ZNF407: variants seen among roughly 807,000 people sequenced by gnomAD.
The protein encoded by ZNF407 is zinc finger protein 407.
In ZNF407, 17 loss-of-function variants were observed where a neutral mutation model predicts 131.2. That is an observed-to-expected ratio of 0.13 (90% CI 0.09 to 0.19). The LOEUF (loss-of-function observed/expected upper bound fraction) is 0.19. ZNF407 is among the 10% of genes least tolerant of loss of function. ZNF407 has a pLI of 1.00. For missense variants in ZNF407, 2,681 were observed against 2,830.6 expected, an observed-to-expected ratio of 0.95 and a Z score of 1.20; for synonymous variants, 1,156 against 1,062.0, an observed-to-expected ratio of 1.09 and a Z score of -1.72.
intron 8 of ZNF407, among the ~76,000 whole-genome samples, chr18:75,020,056 A>G (rs1973089221): frequency 6.6e-6 from 1 of 152,142 alleles, no homozygotes; most frequent in Admixed American, 6.5e-5. Context: ...ATTGACTGGT[A>G]ACAGTGTCAC....
At chr18:74,867,416 G>C (rs1971028459) in intron 4 of ZNF407, among the ~76,000 whole-genome samples, 1 of 152,158 alleles carries the variant, frequency 6.6e-6, no homozygotes, top group Admixed American at 6.5e-5. Context: ...CTGATGATGT[G>C]GACTATAATG....
chr18:74,752,029 A>G (rs1474864070), intron 3 of ZNF407, among the ~76,000 whole-genome samples: 1 of 152,166 alleles, frequency 6.6e-6, no homozygotes, highest in African/African-American at 2.4e-5. Context: ...CCTCTCCAGC[A>G]CCTGTTGTTG....
At chr18:74,675,950 T>G (rs1986338770) in intron 3 of ZNF407, among the ~76,000 whole-genome samples, 1 of 152,158 alleles carries the variant, frequency 6.6e-6, no homozygotes, top group Non-Finnish European at 1.5e-5. Flanking sequence ...TAAAAAAAGT[T>G]GTTTTACACA....
intron 3 of ZNF407, among the ~76,000 whole-genome samples, chr18:74,736,115 A>G (rs1414137742): frequency 6.6e-6 from 1 of 152,204 alleles, no homozygotes; most frequent in African/African-American, 2.4e-5. Context: ...ATGAATAGCT[A>G]CCATATTACT....
intron 1 of ZNF407, among the ~76,000 whole-genome samples, chr18:74,621,718 A>T (rs1197405809): frequency 6.6e-6 from 1 of 152,174 alleles, no homozygotes; most frequent in Non-Finnish European, 1.5e-5. Flanking sequence ...TGTCCCTTAC[A>T]AACAGCTCCG....
intron 8 of ZNF407, among the ~76,000 whole-genome samples, chr18:74,999,374 A>AAAAAAAAAACC (rs1568296646): frequency 8.4e-5 from 12 of 143,486 alleles, no homozygotes; most frequent in African/African-American, 2.6e-4. Flanking sequence ...AAAAAAAAAA[A>AAAAAAAAAACC]ACAAAGGTAA....
chr18:74,916,481 A>AGT (rs752881660), intron 7 of ZNF407, among the ~76,000 whole-genome samples: 23 of 78,762 alleles, frequency 2.9e-4, no homozygotes, highest in African/African-American at 7.1e-4. Flanking sequence ...TCGAATTGGG[A>AGT]GTGTGTGTGT....
At chr18:74,729,148 T>C (rs1968231815) in intron 3 of ZNF407, among the ~76,000 whole-genome samples, 1 of 152,232 alleles carries the variant, frequency 6.6e-6, no homozygotes, top group Non-Finnish European at 1.5e-5. Context: ...GTGCGTACTT[T>C]AGACATAATT....
intron 4 of ZNF407, among the ~76,000 whole-genome samples, chr18:74,862,696 T>C (rs1211251542): frequency 6.6e-6 from 1 of 152,192 alleles, no homozygotes; most frequent in Non-Finnish European, 1.5e-5. Flanking sequence ...ATAAATTTAT[T>C]TTAGAATCAT....
intron 8 of ZNF407, among the ~76,000 whole-genome samples, chr18:75,004,551 G>T (rs995638309): frequency 6.6e-6 from 1 of 152,108 alleles, no homozygotes; most frequent in African/African-American, 2.4e-5. Flanking sequence ...GGGTCACTCA[G>T]CCTATCAAGC....
chr18:74,858,929 A>T (rs988524645), intron 4 of ZNF407, among the ~76,000 whole-genome samples: 12 of 150,918 alleles, frequency 8.0e-5, no homozygotes, highest in Non-Finnish European at 7.4e-5. Flanking sequence ...TGTCTTTTTT[A>T]AAAAATTTCC....
intron 6 of ZNF407, among the ~76,000 whole-genome samples, chr18:74,886,529 C>T (rs1443097174): frequency 6.6e-6 from 1 of 152,124 alleles, no homozygotes; most frequent in Non-Finnish European, 1.5e-5. Context: ...GATAATCAAA[C>T]TTGGTACACC....
intron 6 of ZNF407, among the ~76,000 whole-genome samples, chr18:74,881,491 A>G (rs990110810): frequency 6.6e-6 from 1 of 151,858 alleles, no homozygotes; most frequent in Non-Finnish European, 1.5e-5. Context: ...CCTCTCAGTC[A>G]TTCTCTCTAC....
chr18:74,723,601 T>C (rs1199302644), intron 3 of ZNF407, among the ~76,000 whole-genome samples: 2 of 152,204 alleles, frequency 1.3e-5, no homozygotes, highest in East Asian at 3.9e-4. Context: ...ATTCCCAGAA[T>C]CAGGGCTCCT....
chr18:74,923,708 G>A (rs1971875941), intron 8 of ZNF407, among the ~76,000 whole-genome samples: 1 of 152,000 alleles, frequency 6.6e-6, no homozygotes, highest in Admixed American at 6.6e-5. Flanking sequence ...CAGAACTTAG[G>A]GTTGTTTTAG....
intron 8 of ZNF407, among the ~76,000 whole-genome samples, chr18:74,943,500 C>T (rs1972123057): frequency 6.6e-6 from 1 of 152,142 alleles, no homozygotes; most frequent in African/African-American, 2.4e-5. Context: ...CGTAGAAATG[C>T]ATATACTGAA....
chr18:74,914,999 A>G (rs75935300), intron 7 of ZNF407, among the ~76,000 whole-genome samples: 1,633 of 152,312 alleles, frequency 0.011, 32 homozygotes, highest in African/African-American at 0.037. Flanking sequence ...TAAAGTATAC[A>G]TGTAACCCTT....
At chr18:74,747,635 T>A (rs768373282) in intron 3 of ZNF407, among the ~76,000 whole-genome samples, 1 of 152,156 alleles carries the variant, frequency 6.6e-6, no homozygotes, top group Non-Finnish European at 1.5e-5. Context: ...CTTTGAATAT[T>A]ACCATCATTG....
At chr18:74,825,158 G>A (rs1291045324) in intron 4 of ZNF407, among the ~76,000 whole-genome samples, 1 of 152,108 alleles carries the variant, frequency 6.6e-6, no homozygotes, top group African/African-American at 2.4e-5. Flanking sequence ...ACACAATGCA[G>A]CACCCTTTCA....
Sources: gnomAD v4.1 joint callset for allele counts (sites outside exome capture counted in the v4.1 genomes callset) on GRCh38, gnomAD v4.1.1 for gene constraint, MANE v1.5 for transcripts, NCBI Gene and HGNC (gene_info 2026-07-23, HGNC 2026-07-21) for gene names.